The following UTS2R variants were observed in gnomAD, a reference collection of about 807,000 sequenced individuals.
UTS2R encodes the protein urotensin-2 receptor.
For synonymous variants in UTS2R, 335 were observed against 280.9 expected, an observed-to-expected ratio of 1.19 and a Z score of -1.93; for missense variants, 653 against 562.2, an observed-to-expected ratio of 1.16 and a Z score of -1.63.
intron 2 of UTS2R, among the ~76,000 whole-genome samples, chr17:82,373,725 G>C (rs2143106656): frequency 6.6e-6 from 1 of 152,332 alleles, no homozygotes; most frequent in African/African-American, 2.4e-5. Context: ...AGATTGCAGA[G>C]GCCTTCCTCT....
In UTS2R at chr17:82,374,415, AC is replaced by A. The variant is rs772483647; in HGVS notation, c.94del (p.Leu32SerfsTer101). 5 of 1,597,346 alleles carry A rather than the reference AC, an allele frequency of 3.1e-6. No individual in the cohort carries two copies. In the African/African-American group the frequency reaches 6.7e-5, roughly 21 times the overall value. On this transcript the variant is annotated frameshift_variant, in exon 3 of 3. Transcript: ENST00000313135. LOFTEE classifies it low-confidence loss of function (END_TRUNC). ...VPEPPGGPNA[T>X]LNSSWASPTE... ...GGAGCCGCCTGGCGGCCCCAACGCAACCCTCAACAGCTCCTGGGCCAGCCCG... is the reference window on the plus strand; with the variant it reads ...GGAGCCGCCTGGCGGCCCCAACGCAACCTCAACAGCTCCTGGGCCAGCCCG...
At chr17:82,373,322 C>T (rs1173431366) in intron 2 of UTS2R, among the ~76,000 whole-genome samples, 1 of 151,938 alleles carries the variant, frequency 6.6e-6, no homozygotes, top group East Asian at 1.9e-4. Flanking sequence ...CCACCATGCC[C>T]GACTAATTTT....
At position 82,376,987 on chromosome 17, in the gene UTS2R, G is replaced by A. The variant is rs1057236931; in HGVS notation, c.*1493G>A. On this transcript the variant is annotated 3_prime_UTR_variant, in exon 3 of 3. Coordinates refer to ENST00000313135, the MANE Select transcript of UTS2R (RefSeq NM_018949.3). ...TGTGCCCAGCAGCTCATTGAGAACG[G>A]GCCATGATGACAATGGCGGTTTTGT... is the stretch of plus-strand genomic sequence containing the variant. 4.1e-4 allele frequency among the ~76,000 whole-genome samples: 63 copies of A among 152,344 alleles called. No homozygotes were observed. The highest frequency in any genetic ancestry group is 1.5e-3 in the African/African-American group (61 of 41,580).
rs1246315653 is a variant in UTS2R, at chr17:82,374,571, G to T, written c.247G>T (p.Val83Leu). The T allele has an allele frequency of 6.3e-7, 1 of 1,599,534 alleles. No individual in the cohort carries two copies. The highest frequency in any genetic ancestry group is 8.5e-7 in the Non-Finnish European group (1 of 1,173,686). ...LVVTCRSLRA[V>L]ASMYVYVVNL... ...GGTCACCTGCCGCTCCCTGCGTGCGGTGGCCTCCATGTACGTCTACGTGGT... is the reference window on the plus strand; with the variant it reads ...GGTCACCTGCCGCTCCCTGCGTGCGTTGGCCTCCATGTACGTCTACGTGGT... The change falls in exon 3 of 3, where the codon GTG becomes TTG. Residue 83 changes from valine to leucine, a missense_variant. Val to Leu is a conservative substitution (Grantham distance 32). Transcript: ENST00000313135.
Position 82,372,645 on chromosome 17 carries a change from C to G in UTS2R, c.-221C>G, listed in dbSNP as rs2052459095. On this transcript the variant is annotated 5_prime_UTR_variant, in exon 2 of 3. Coordinates refer to ENST00000313135, the MANE Select transcript of UTS2R (RefSeq NM_018949.3). ...CAGGCTGCTGACCCCAGCGGCGACT[C>G]CTTCACTGGCTTCATGTCACAGTTT... Among the ~76,000 whole-genome samples the G allele has an allele frequency of 1.3e-5, 2 of 152,234 alleles. No individual in the cohort carries two copies. The highest frequency in any genetic ancestry group is 4.1e-4 in the South Asian group (2 of 4,836).
In UTS2R at chr17:82,376,547, C is replaced by A. The variant is rs1165505760; in HGVS notation, c.*1053C>A. Reference sequence around the variant, plus strand: ...CTACCCCTCAGTGGAGTGAGCACAGCTCTGCTGGCAGGACTGTGGCCGGCG... The same window carrying A: ...CTACCCCTCAGTGGAGTGAGCACAGATCTGCTGGCAGGACTGTGGCCGGCG... On this transcript the variant is annotated 3_prime_UTR_variant, in exon 3 of 3. Coordinates refer to ENST00000313135, the MANE Select transcript of UTS2R (RefSeq NM_018949.3). 6.6e-6 allele frequency among the ~76,000 whole-genome samples: 1 copy of A among 152,222 alleles called. No individual in the cohort carries two copies. Among genetic ancestry groups the A allele is most frequent in the African/African-American group, 2.4e-5 (1 of 41,436 alleles).
rs1451298005 is a variant in UTS2R, at chr17:82,376,304, C to T, written c.*810C>T. Among the ~76,000 whole-genome samples, 1 of 152,222 alleles carries T rather than the reference C, an allele frequency of 6.6e-6. No homozygotes were observed. Among genetic ancestry groups the T allele is most frequent in the African/African-American group, 2.4e-5 (1 of 41,440 alleles). On this transcript the variant is annotated 3_prime_UTR_variant, in exon 3 of 3. Transcript: ENST00000313135. ...TCTCTGCCCCACTCACCCCTCACTG[C>T]CTCCTGGACAGACTTCCTGCCCCAG...
Position 82,374,637 on chromosome 17 carries a change from C to A in UTS2R, c.313C>A (p.Pro105Thr), listed in dbSNP as rs140576840. 1,106 of 1,613,140 alleles carry A rather than the reference C, an allele frequency of 6.9e-4. 11 individuals are homozygous for A. Among genetic ancestry groups the A allele is most frequent in the Non-Finnish European group, 1.1e-4 (124 of 1,179,828 alleles). ...CGACCTGCTGTACCTGCTCAGCATC[C>A]CCTTCATCGTGGCCACCTACGTCAC... ...LADLLYLLSI[P>T]FIVATYVTKE... Residue 105 changes from proline to threonine, a missense_variant, in exon 3 of 3, where the codon CCC (proline) becomes ACC (threonine). Pro to Thr is a conservative substitution (Grantham distance 38, BLOSUM62 -1). Coordinates refer to ENST00000313135, the MANE Select transcript of UTS2R (RefSeq NM_018949.3).
chr17:82,374,712 G>A lies in UTS2R; in HGVS notation c.388G>A (p.Asp130Asn). 6.2e-7 allele frequency: 1 copy of A among 1,613,008 alleles called. No individual in the cohort carries two copies. Residue 130 changes from aspartate (D) to asparagine (N), a missense_variant, in exon 3 of 3, where the codon GAC becomes AAC. By Grantham distance (23) the Asp-to-Asn change is conservative (BLOSUM62 1). Coordinates refer to ENST00000313135, the MANE Select transcript of UTS2R (RefSeq NM_018949.3). ...DVGCRVLFGL[D>N]FLTMHASIFT... is the part of the protein sequence containing the mutation. ...GGGCTGCCGCGTGCTCTTCGGCCTG[G>A]ACTTCCTGACCATGCACGCCAGCAT...
In UTS2R at chr17:82,374,504, CATGGGCGTG is replaced by C. The variant is rs775636317; in HGVS notation, c.181_189del (p.Met61_Val63del). On this transcript the variant is annotated inframe_deletion, in exon 3 of 3. Coordinates refer to ENST00000313135, the MANE Select transcript of UTS2R (RefSeq NM_018949.3). ...GCACCATTGGGACTCTGCTGTCGGC[CATGGGCGTG>C]GTGGGCGTGGTGGGCAACGCCTACA... is the stretch of plus-strand genomic sequence containing the variant. 2 of 1,588,190 alleles carry C rather than the reference CATGGGCGTG, an allele frequency of 1.3e-6. No individual in the cohort carries two copies. The highest frequency in any genetic ancestry group is 1.7e-6 in the Non-Finnish European group (2 of 1,168,148).
chr17:82,374,988 G>T lies in UTS2R; in HGVS notation c.664G>T (p.Gly222Trp). The T allele has an allele frequency of 8.0e-7, 1 of 1,246,686 alleles. No individual in the cohort carries two copies. Among genetic ancestry groups the T allele is most frequent in the Non-Finnish European group, 1.1e-6 (1 of 893,476 alleles). The allele number at this position is 1,246,686 out of a possible 1,614,324, so 77.2% of individuals were successfully genotyped here. The change falls in exon 3 of 3, where the codon GGG becomes TGG. Residue 222 changes from glycine to tryptophan, a missense_variant. Coordinates refer to ENST00000313135, the MANE Select transcript of UTS2R (RefSeq NM_018949.3). ...LTLLFATSIA[G>W]PGLLIGLLYA... ...GCTGCTCTTCGCCACCAGCATCGCG[G>T]GGCCCGGGCTGCTCATCGGGCTGCT...
At position 82,376,595 on chromosome 17, in the gene UTS2R, C is replaced by T. The variant is rs1287190375; in HGVS notation, c.*1101C>T. On this transcript the variant is annotated 3_prime_UTR_variant, in exon 3 of 3. Coordinates refer to ENST00000313135, the MANE Select transcript of UTS2R (RefSeq NM_018949.3). ...GCGTCAGGAATAAGCATGCAGCGCT[C>T]TCCCCAGGGCCTCCCGGAAGAGGGG... 6.6e-6 allele frequency among the ~76,000 whole-genome samples: 1 copy of T among 152,230 alleles called. No individual in the cohort carries two copies.
At position 82,375,082 on chromosome 17, in the gene UTS2R, G is replaced by C. The variant is rs1379940391; in HGVS notation, c.758G>C (p.Gly253Ala). 5 of 1,408,082 alleles carry C rather than the reference G, an allele frequency of 3.6e-6. No individual in the cohort carries two copies. Among genetic ancestry groups the C allele is most frequent in the Non-Finnish European group, 4.6e-6 (5 of 1,089,108 alleles). The allele number at this position is 1,408,082 out of a possible 1,614,324, so 87.2% of individuals were successfully genotyped here. The change falls in exon 3 of 3, where the codon GGG (glycine) becomes GCG (alanine). Residue 253 changes from glycine to alanine, a missense_variant. Physicochemically the swap from Gly to Ala is moderately conservative, Grantham distance 60 (BLOSUM62 0). Transcript: ENST00000313135. Reference protein sequence around the residue: ...RASFKRARRPGARALRLVLGI... With the variant: ...RASFKRARRPAARALRLVLGI... ...TCCTTCAAGCGGGCCCGGCGGCCGG[G>C]GGCGCGCGCGCTGCGCCTGGTGCTG...
Position 82,374,880 on chromosome 17 carries a change from C to T in UTS2R, c.556C>T (p.Leu186=). 7.8e-7 allele frequency: 1 copy of T among 1,287,006 alleles called. No homozygotes were observed. Among genetic ancestry groups the T allele is most frequent in the Non-Finnish European group, 1.1e-6 (1 of 917,378 alleles). 79.7% of individuals were successfully genotyped at this position (1,287,006 alleles called of 1,614,324 possible). A position where few individuals can be genotyped will look rare whatever the true frequency, so the allele number is the denominator to read the frequency against. ...LALLLTLPVM[L]AMRLVRRGPK... is the part of the protein sequence containing the mutation. Reference sequence around the variant, plus strand: ...GCTGCTGCTGACGCTGCCCGTGATGCTGGCCATGCGGCTGGTGCGCCGGGG... The same window carrying T: ...GCTGCTGCTGACGCTGCCCGTGATGTTGGCCATGCGGCTGGTGCGCCGGGG... The change falls in exon 3 of 3, where the codon CTG becomes TTG. Residue 186 remains leucine, a synonymous_variant. Transcript: ENST00000313135.
At position 82,375,202 on chromosome 17, in the gene UTS2R, C is replaced by T; in HGVS notation, c.878C>T (p.Ala293Val). The T allele has an allele frequency of 6.4e-7, 1 of 1,566,732 alleles. No homozygotes were observed. The change falls in exon 3 of 3, where the codon GCG becomes GTG. Residue 293 changes from alanine (A) to valine (V), a missense_variant. Transcript: ENST00000313135. ...YHQAPLAPRT[A>V]RIVNYLTTCL... ...CAGGCCCCGCTGGCGCCGCGGACGG[C>T]GCGCATCGTCAACTACCTGACCACC...
Position 82,375,515 on chromosome 17 carries a change from A to G in UTS2R, c.*21A>G, listed in dbSNP as rs2052489923. 1 of 1,088,976 alleles carries G rather than the reference A, an allele frequency of 9.2e-7. No individual in the cohort carries two copies. 67.5% of individuals were successfully genotyped at this position (1,088,976 alleles called of 1,614,324 possible). A position where few individuals can be genotyped will look rare whatever the true frequency, so the allele number is the denominator to read the frequency against. On this transcript the variant is annotated 3_prime_UTR_variant, in exon 3 of 3. Transcript: ENST00000313135. Reference sequence around the variant, plus strand: ...CGTGAGCACGCGGAGGGGCGGCTGGAGTCCAGGCGGGGACGCGCCCCAAAG... The same window carrying G: ...CGTGAGCACGCGGAGGGGCGGCTGGGGTCCAGGCGGGGACGCGCCCCAAAG...
rs2052473201 is a variant in UTS2R, at chr17:82,374,505, A to G, written c.181A>G (p.Met61Val). The G allele has an allele frequency of 1.9e-6, 3 of 1,588,126 alleles. No homozygotes were observed. The highest frequency in any genetic ancestry group is 3.6e-5 in the Admixed American group (2 of 55,642). ...TGTIGTLLSAMGVVGVVGNAY... is the reference protein window; with the variant it reads ...TGTIGTLLSAVGVVGVVGNAY... ...CACCATTGGGACTCTGCTGTCGGCC[A>G]TGGGCGTGGTGGGCGTGGTGGGCAA... Residue 61 changes from methionine to valine, a missense_variant, in exon 3 of 3, where the codon ATG (methionine) becomes GTG (valine). Transcript: ENST00000313135.
rs1224172500 is a variant in UTS2R, at chr17:82,375,051, C to G, written c.727C>G (p.Arg243Gly). ...RLARAYRRSQRASFKRARRPG... is the reference protein window; with the variant it reads ...RLARAYRRSQGASFKRARRPG... Reference sequence around the variant, plus strand: ...GGCCCGCGCCTACCGCCGCTCGCAGCGCGCCTCCTTCAAGCGGGCCCGGCG... The same window carrying G: ...GGCCCGCGCCTACCGCCGCTCGCAGGGCGCCTCCTTCAAGCGGGCCCGGCG... Residue 243 changes from arginine to glycine, a missense_variant, in exon 3 of 3, where the codon CGC becomes GGC. By Grantham distance (125) the Arg-to-Gly change is moderately radical. Transcript: ENST00000313135. 7.0e-7 allele frequency: 1 copy of G among 1,421,196 alleles called. No homozygotes were observed. Among genetic ancestry groups the G allele is most frequent in the South Asian group, 1.5e-5 (1 of 68,254 alleles). 88.0% of individuals were successfully genotyped at this position (1,421,196 alleles called of 1,614,324 possible). A position where few individuals can be genotyped will look rare whatever the true frequency, so the allele number is the denominator to read the frequency against.
chr17:82,376,066 A>T lies in UTS2R; in HGVS notation c.*572A>T, dbSNP rs2052494221. Among the ~76,000 whole-genome samples the T allele has an allele frequency of 6.6e-6, 1 of 152,056 alleles. No individual in the cohort carries two copies. The highest frequency in any genetic ancestry group is 2.1e-4 in the South Asian group (1 of 4,824). On this transcript the variant is annotated 3_prime_UTR_variant, in exon 3 of 3. Coordinates refer to ENST00000313135, the MANE Select transcript of UTS2R (RefSeq NM_018949.3). ...GTGCAGGCGGCTGGTCTGGCACCTGATGTGGGGCAGGGAAGGTGGCCAGGA... is the reference window on the plus strand; with the variant it reads ...GTGCAGGCGGCTGGTCTGGCACCTGTTGTGGGGCAGGGAAGGTGGCCAGGA...
Sources: gnomAD v4.1 joint callset for allele counts (sites outside exome capture counted in the v4.1 genomes callset) on GRCh38, gnomAD v4.1.1 for gene constraint, MANE v1.5 for transcripts, NCBI Gene and HGNC (gene_info 2026-07-23, HGNC 2026-07-21) for gene names.